The following GRIN2D variants were observed in gnomAD, a reference collection of about 807,000 sequenced individuals.
The protein encoded by GRIN2D is glutamate receptor ionotropic, NMDA 2D.
In GRIN2D, 37 loss-of-function variants were observed where a neutral mutation model predicts 103.2. The observed-to-expected ratio is 0.36, with a 90% CI of 0.28 to 0.47. The LOEUF (loss-of-function observed/expected upper bound fraction) is 0.47. GRIN2D is among the 20% of genes least tolerant of loss of function. GRIN2D has a pLI of 1.00. For missense variants in GRIN2D, 1,557 were observed against 1,910.6 expected (o/e 0.81, Z 3.45); for synonymous variants, 845 against 885.6 (o/e 0.95, Z 0.81).
rs1282954689 is a variant in GRIN2D, at chr19:48,443,812, A to G, written c.3886A>G (p.Arg1296Gly). The G allele has an allele frequency of 6.8e-7, 1 of 1,479,196 alleles. No homozygotes were observed. 91.6% of individuals were successfully genotyped at this position (1,479,196 alleles called of 1,614,324 possible). ...RLTGPSRHAR[R>G]CPHAAHWGPP... ...TACCGGGCCCTCCCGCCACGCTCGC[A>G]GGTGTCCGCACGCCGCGCACTGGGG... Residue 1296 changes from arginine to glycine, a missense_variant, in exon 14 of 14, where the codon AGG (arginine) becomes GGG (glycine). Physicochemically the swap from Arg to Gly is moderately radical, Grantham distance 125 (BLOSUM62 -2). Coordinates refer to ENST00000263269, the MANE Select transcript of GRIN2D (RefSeq NM_000836.4). This position sits in a 1 kb window ranked among gnomAD's most constrained non-coding sequence, Gnocchi z 8.9.
chr19:48,395,614 T>TG (rs1347353291), intron 2 of GRIN2D, among the ~76,000 whole-genome samples: 1 of 151,512 alleles, frequency 6.6e-6, no homozygotes, highest in South Asian at 2.1e-4. Context: ...TTGGATGCTG[T>TG]GGGGGGCAAT....
Position 48,442,906 on chromosome 19 carries a change from C to A in GRIN2D, c.2980C>A (p.Pro994Thr). Residue 994 changes from proline (P) to threonine (T), a missense_variant, in exon 14 of 14, where the codon CCG becomes ACG. Pro to Thr is a conservative substitution (Grantham distance 38, BLOSUM62 -1). Transcript: ENST00000263269. The surrounding 1 kb of genome is among the most constrained non-coding windows in gnomAD (Gnocchi z 7.2). ...GGGCGCAGCCGGGCGCCCGCTGTCCCCGCCGGCCGCTCAGCCCCCGCAGAA... is the reference window on the plus strand; with the variant it reads ...GGGCGCAGCCGGGCGCCCGCTGTCCACGCCGGCCGCTCAGCCCCCGCAGAA... The part of the protein sequence containing the change: ...PRGAAGRPLS[P>T]PAAQPPQKPP... 2 of 1,104,996 alleles carry A rather than the reference C, an allele frequency of 1.8e-6. No individual in the cohort carries two copies. The highest frequency in any genetic ancestry group is 3.4e-5 in the South Asian group (1 of 29,052). The allele number at this position is 1,104,996 out of a possible 1,614,324, so 68.4% of individuals were successfully genotyped here.
Position 48,443,288 on chromosome 19 carries a change from T to C in GRIN2D, c.3362T>C (p.Leu1121Pro). Residue 1121 changes from leucine (L) to proline (P), a missense_variant, in exon 14 of 14, where the codon CTG becomes CCG. Physicochemically the swap from Leu to Pro is moderately conservative, Grantham distance 98 (BLOSUM62 -3). This residue lies in a region of GRIN2D where 632 missense variants were observed against 572.8 expected (regional missense o/e 1.10). Coordinates refer to ENST00000263269, the MANE Select transcript of GRIN2D (RefSeq NM_000836.4). This position sits in a 1 kb window ranked among gnomAD's most constrained non-coding sequence, Gnocchi z 8.9. Reference sequence around the variant, plus strand: ...TCGGACTCGGAGGACTCGGAGAGCCTGGGCGGCGCGTCGCTGGGCGGCCTG... The same window carrying C: ...TCGGACTCGGAGGACTCGGAGAGCCCGGGCGGCGCGTCGCTGGGCGGCCTG... ...SPSDSEDSES[L>P]GGASLGGLEP... 6.6e-7 allele frequency: 1 copy of C among 1,515,570 alleles called. No homozygotes were observed. The highest frequency in any genetic ancestry group is 8.8e-7 in the Non-Finnish European group (1 of 1,137,468). 93.9% of individuals were successfully genotyped at this position (1,515,570 alleles called of 1,614,324 possible).
chr19:48,416,140 C>G lies in GRIN2D; in HGVS notation c.1720C>G (p.Pro574Ala). ...MVARSNGTVS[P>A]SAFLEPYSPA... is the part of the protein sequence containing the mutation. The stretch of plus-strand genomic sequence containing the variant: ...GGCGCGCAGCAATGGCACGGTGTCC[C>G]CCTCGGCCTTCCTCGGTAATCTGGG... The change falls in exon 8 of 14, where the codon CCC becomes GCC. Residue 574 changes from proline to alanine, a missense_variant. Physicochemically the swap from Pro to Ala is conservative, Grantham distance 27. Coordinates refer to ENST00000263269, the MANE Select transcript of GRIN2D (RefSeq NM_000836.4). The G allele has an allele frequency of 6.2e-7, 1 of 1,613,814 alleles. No individual in the cohort carries two copies. Among genetic ancestry groups the G allele is most frequent in the Non-Finnish European group, 8.5e-7 (1 of 1,179,948 alleles).
rs1432208869 is a variant in GRIN2D at position 48,414,204 on chromosome 19, G to T, written c.1200+99G>T. On this transcript the variant is annotated intron_variant, in intron 5 of 13. Transcript: ENST00000263269. This position sits in a 1 kb window ranked among gnomAD's most constrained non-coding sequence, Gnocchi z 4.6. ...GGTCGTGGACTAAGAGGGAGGAGGG[G>T]ACAAGGAGCCTGGACTCCTGGGTCC... 7.7e-6 allele frequency: 7 copies of T among 912,832 alleles called. No homozygotes were observed. The highest frequency in any genetic ancestry group is 1.2e-5 in the Non-Finnish European group (7 of 570,424). The allele number at this position is 912,832 out of a possible 1,614,324, so 56.5% of individuals were successfully genotyped here.
intron 4 of GRIN2D, among the ~76,000 whole-genome samples, chr19:48,409,466 G>C (rs1970829528): frequency 6.6e-6 from 1 of 151,814 alleles, no homozygotes; most frequent in Non-Finnish European, 1.5e-5. Flanking sequence ...TTGTAGAGAT[G>C]GGGTTTCACT....
Position 48,444,050 on chromosome 19 carries a change from G to A in GRIN2D, c.*113G>A. The A allele has an allele frequency of 3.0e-6, 2 of 669,960 alleles. No individual in the cohort carries two copies. Among genetic ancestry groups the A allele is most frequent in the Non-Finnish European group, 4.4e-6 (2 of 451,882 alleles). 41.5% of individuals were successfully genotyped at this position (669,960 alleles called of 1,614,324 possible). On this transcript the variant is annotated 3_prime_UTR_variant, in exon 14 of 14. Transcript: ENST00000263269. The surrounding 1 kb of genome is among the most constrained non-coding windows in gnomAD (Gnocchi z 5.5). ...GGGAAGGAAAGCAGTGGAACTGGCC[G>A]GACCCCGCCTGGAGCAGCGTCCTGC...
chr19:48,397,509 C>T (rs1374954870), intron 2 of GRIN2D, among the ~76,000 whole-genome samples: 1 of 151,862 alleles, frequency 6.6e-6, no homozygotes, highest in Non-Finnish European at 1.5e-5. Flanking sequence ...CAATTGTTTC[C>T]CCATCCTTTA....
Position 48,416,395 on chromosome 19 carries a change from C to T in GRIN2D, c.1735+240C>T, listed in dbSNP as rs1460696562. 2.0e-5 allele frequency among the ~76,000 whole-genome samples: 3 copies of T among 152,168 alleles called. 1 individual carries two copies. The highest frequency in any genetic ancestry group is 4.4e-5 in the Non-Finnish European group (3 of 68,030). On this transcript the variant is annotated intron_variant, in intron 8 of 13. Coordinates refer to ENST00000263269, the MANE Select transcript of GRIN2D (RefSeq NM_000836.4). ...GGCTAAAGAAGCTTGAGCTCAGGAG[C>T]CTTCTCTTGCACTGCAGCTTCCAAG...
At chr19:48,413,956 G>A (rs1167404557) in intron 4 of GRIN2D, 35 bp from the exon 5 acceptor site, 1 of 1,215,582 alleles carries the variant, frequency 8.2e-7, no homozygotes, top group Admixed American at 1.7e-5. Flanking sequence ...TCCAGCCCAG[G>A]CCCCAGCATG....
At chr19:48,424,974 C>T (rs1196512322) in intron 11 of GRIN2D, among the ~76,000 whole-genome samples, 3 of 152,072 alleles carry the variant, frequency 2.0e-5, no homozygotes, top group African/African-American at 7.2e-5. Context: ...GTTTTCTTCT[C>T]GCCAGCCCTT....
chr19:48,403,089 C>T (rs1353561734), intron 3 of GRIN2D, among the ~76,000 whole-genome samples: 2 of 151,354 alleles, frequency 1.3e-5, no homozygotes, highest in Non-Finnish European at 2.9e-5. Flanking sequence ...ATCCCAGCTA[C>T]TCAGAAGGCT....
At chr19:48,435,346 C>T (rs914935780) in intron 11 of GRIN2D, among the ~76,000 whole-genome samples, 16 of 150,206 alleles carry the variant, frequency 1.1e-4, no homozygotes, top group African/African-American at 3.4e-4. Flanking sequence ...CTCCATTGCC[C>T]GGGCACCATC....
At chr19:48,411,326 AAATAATAATAAT>A (rs200053542) in intron 4 of GRIN2D, among the ~76,000 whole-genome samples, 2,017 of 138,196 alleles carry the variant, frequency 0.015, 14 homozygotes, top group African/African-American at 0.024. Flanking sequence ...CCCCGTCTCA[AAATAATAATAAT>A]AATAATAATA....
rs150539942 is a variant in GRIN2D, at chr19:48,396,801, C to G, written c.-26-1566C>G. 2.9e-3 allele frequency among the ~76,000 whole-genome samples: 438 copies of G among 152,044 alleles called. 8 individuals are homozygous for G. The highest frequency in any genetic ancestry group is 0.023 in the East Asian group (118 of 5,174). On this transcript the variant is annotated intron_variant, in intron 2 of 13. Coordinates refer to ENST00000263269, the MANE Select transcript of GRIN2D (RefSeq NM_000836.4). ...CCGCCCTGGCTGTCTGTGGGGTGGA[C>G]GAGGCCTGCGCTACCATGGCAACCA...
intron 10 of GRIN2D, 64 bp downstream of exon 10, chr19:48,419,878 T>C (rs1970998052): frequency 1.6e-6 from 1 of 640,608 alleles, no homozygotes. Flanking sequence ...GAGCTTGTCA[T>C]GTGGTAGATT....
Position 48,412,426 on chromosome 19 carries a change from AAAG to A in GRIN2D, c.1086-1562_1086-1560del, listed in dbSNP as rs1355727472. ...AGAAAGAAAGAAAGAGAAAGAAAAG[AAAG>A]AAAGAAAGAAAGAAAGAAAGAAAGA... On this transcript the variant is annotated intron_variant, in intron 4 of 13. Coordinates refer to ENST00000263269, the MANE Select transcript of GRIN2D (RefSeq NM_000836.4). 1.4e-4 allele frequency among the ~76,000 whole-genome samples: 7 copies of A among 51,046 alleles called. No homozygotes were observed. In the East Asian group the frequency reaches 2.2e-3, roughly 16 times the overall value. The allele number at this position is 51,046 out of a possible 152,430, so 33.5% of individuals were successfully genotyped here.
chr19:48,433,280 G>T (rs982462508), intron 11 of GRIN2D, among the ~76,000 whole-genome samples: 1 of 151,694 alleles, frequency 6.6e-6, no homozygotes, highest in Admixed American at 6.6e-5. Flanking sequence ...AGGCAGAATC[G>T]CTTGAACCCG....
At chr19:48,396,105 A>T (rs144139581) in intron 2 of GRIN2D, among the ~76,000 whole-genome samples, 1 of 151,824 alleles carries the variant, frequency 6.6e-6, no homozygotes, top group Non-Finnish European at 1.5e-5. Context: ...AGGGCAGGAG[A>T]TGAGTGTTGG....
Sources: gnomAD v4.1 joint callset for allele counts (sites outside exome capture counted in the v4.1 genomes callset) on GRCh38, gnomAD v4.1.1 for gene constraint, gnomAD v4.1.1 regional missense constraint, Gnocchi (gnomAD v3.1) non-coding constraint, MANE v1.5 for transcripts, NCBI Gene and HGNC (gene_info 2026-07-23, HGNC 2026-07-21) for gene names.